ELP4: variants seen among roughly 807,000 people sequenced by gnomAD.
The protein encoded by ELP4 is elongator acetyltransferase complex subunit 4.
A neutral mutation model predicts 48.9 loss-of-function variants in ELP4; 51 were observed. That is an observed-to-expected ratio of 1.04 (90% CI 0.83 to 1.32). The LOEUF (loss-of-function observed/expected upper bound fraction) is 1.32, where lower values mean the gene tolerates loss of function less well. Among genes scored for constraint, ELP4 ranks in the 40% most tolerant of loss-of-function variants. ELP4 has a pLI of 0.00. For missense variants in ELP4, 519 were observed against 514.6 expected, an observed-to-expected ratio of 1.01 and a Z score of -0.08; for synonymous variants, 210 against 189.2, an observed-to-expected ratio of 1.11 and a Z score of -0.90.
intron 5 of ELP4, among the ~76,000 whole-genome samples, chr11:31,607,744 A>G (rs1957901692): frequency 6.6e-6 from 1 of 152,196 alleles, no homozygotes; most frequent in Non-Finnish European, 1.5e-5. Context: ...CTGAATTTCA[A>G]GATTTTATTT....
At chr11:31,531,788 A>C (rs1956400269) in intron 2 of ELP4, among the ~76,000 whole-genome samples, 1 of 152,184 alleles carries the variant, frequency 6.6e-6, no homozygotes, top group African/African-American at 2.4e-5. Flanking sequence ...GCTCTTTAGA[A>C]AAATATACTC....
intron 3 of ELP4, among the ~76,000 whole-genome samples, chr11:31,579,217 A>T (rs1163261929): frequency 3.9e-5 from 6 of 152,228 alleles, no homozygotes; most frequent in Non-Finnish European, 8.8e-5. Flanking sequence ...GAGAAATGCA[A>T]ATCAAAACCA....
intron 9 of ELP4, among the ~76,000 whole-genome samples, chr11:31,743,199 A>C (rs551286637): frequency 3.3e-5 from 5 of 152,250 alleles, no homozygotes; most frequent in Admixed American, 3.3e-4. Context: ...AGAGCTAACT[A>C]TCCCAAATAT....
chr11:31,738,912 A>G (rs1023158815), intron 9 of ELP4, among the ~76,000 whole-genome samples: 1 of 152,190 alleles, frequency 6.6e-6, no homozygotes, highest in African/African-American at 2.4e-5. Context: ...GTAGCCAGAG[A>G]CTGAAAGGAG....
intron 9 of ELP4, chr11:31,652,263 C>T (rs553701790): frequency 3.3e-5 from 5 of 151,400 alleles, no homozygotes; most frequent in Non-Finnish European, 7.4e-5. Flanking sequence ...TTCTAAATAA[C>T]TTATTTACTT....
intron 3 of ELP4, among the ~76,000 whole-genome samples, chr11:31,586,644 G>GT (rs541383884): frequency 0.01 from 1,523 of 145,786 alleles, 10 homozygotes; most frequent in Non-Finnish European, 0.013. Context: ...ATGTTTTTTG[G>GT]TTTTTTTTTT....
chr11:31,654,906 G>T (rs1945397010), intron 9 of ELP4: 1 of 151,794 alleles, frequency 6.6e-6, no homozygotes, highest in Admixed American at 6.6e-5. Flanking sequence ...TCTGGCTTGG[G>T]AGCCTTCTTA....
chr11:31,745,620 G>T (rs2134229036), intron 9 of ELP4, among the ~76,000 whole-genome samples: 1 of 152,280 alleles, frequency 6.6e-6, no homozygotes, highest in Admixed American at 6.5e-5. Context: ...TGACAAATCT[G>T]ACAAAAACAA....
At chr11:31,578,258 A>T (rs1957320927) in intron 3 of ELP4, among the ~76,000 whole-genome samples, 1 of 152,228 alleles carries the variant, frequency 6.6e-6, no homozygotes, top group African/African-American at 2.4e-5. Flanking sequence ...CTCTTCAAGG[A>T]GAACTACAAA....
intron 9 of ELP4, among the ~76,000 whole-genome samples, chr11:31,666,004 C>CTTTTTTTTTTTT (rs35902758): frequency 1.2e-5 from 1 of 85,344 alleles, no homozygotes; most frequent in Admixed American, 1.5e-4. Context: ...GTTTCAAATT[C>CTTTTTTTTTTTT]TTTTTTTTTT....
At chr11:31,510,895 C>G (rs934642934) in intron 1 of ELP4, 1 of 152,314 alleles carries the variant, frequency 6.6e-6, no homozygotes, top group Non-Finnish European at 1.5e-5. Context: ...TCATTAAAAC[C>G]CCGTCTGTGT....
rs1183210985 is a variant in ELP4 at position 31,594,904 on chromosome 11, A to G, written c.513+3A>G. On this transcript the variant is annotated splice_donor_region_variant and intron_variant, in intron 4 of 9. Transcript: ENST00000640961. ...ACCAGTTATTACCCAAGATGGAGGCAAGTAAACATACAAATTCTTTCCAAA... is the reference window on the plus strand; with the variant it reads ...ACCAGTTATTACCCAAGATGGAGGCGAGTAAACATACAAATTCTTTCCAAA... 6 of 1,550,504 alleles carry G rather than the reference A, an allele frequency of 3.9e-6. No individual in the cohort carries two copies. The highest frequency in any genetic ancestry group is 5.2e-6 in the Non-Finnish European group (6 of 1,158,936).
chr11:31,708,123 A>G (rs1182741696), intron 9 of ELP4, among the ~76,000 whole-genome samples: 3 of 152,170 alleles, frequency 2.0e-5, no homozygotes, highest in Non-Finnish European at 4.4e-5. Flanking sequence ...GGCCTTTGCC[A>G]TTCAGTCTTC....
chr11:31,630,580 C>T (rs116007915), intron 6 of ELP4, among the ~76,000 whole-genome samples: 1,707 of 152,152 alleles, frequency 0.011, 35 homozygotes, highest in African/African-American at 0.038. Flanking sequence ...CTGCCCTCCT[C>T]AGCCTCCCAG....
At chr11:31,618,261 G>A (rs553012518) in intron 5 of ELP4, among the ~76,000 whole-genome samples, 14 of 152,182 alleles carry the variant, frequency 9.2e-5, no homozygotes, top group African/African-American at 3.1e-4. Flanking sequence ...ACACAATACC[G>A]TAGACTAAGT....
At chr11:31,657,362 A>G (rs1017312357) in intron 9 of ELP4, among the ~76,000 whole-genome samples, 1 of 151,988 alleles carries the variant, frequency 6.6e-6, no homozygotes, top group African/African-American at 2.4e-5. Context: ...ACCCTCATGT[A>G]CTGTTCGAAT....
chr11:31,731,533 A>G (rs1046773608), intron 9 of ELP4, among the ~76,000 whole-genome samples: 5 of 149,846 alleles, frequency 3.3e-5, no homozygotes, highest in African/African-American at 1.0e-4. Flanking sequence ...AAGAATGAAG[A>G]AAACCTAGGG....
Position 31,627,155 on chromosome 11 carries a change from C to T in ELP4, c.699C>T (p.Asn233=). 6.3e-7 allele frequency: 1 copy of T among 1,597,342 alleles called. No homozygotes were observed. The highest frequency in any genetic ancestry group is 8.5e-7 in the Non-Finnish European group (1 of 1,171,830). Residue 233 remains asparagine, a synonymous_variant, in exon 6 of 10, where the codon AAC becomes AAT. Coordinates refer to ENST00000640961, the MANE Select transcript of ELP4 (RefSeq NM_019040.5). The part of the protein sequence containing the change: ...GYTKLLQFIQ[N]IIYEEGFDGS... ...CAAAGCTGCTTCAGTTTATCCAGAA[C>T]ATCATTTATGAGGAAGGATTTGATG...
At position 31,789,470 on chromosome 11, in the gene ELP4, C is replaced by T; in HGVS notation, c.*5946C>T. ...ATTATATGCAAAGGAATGATACAAA[C>T]TTGGAACATCAGTCCATAAACTATG... On this transcript the variant is annotated 3_prime_UTR_variant, in exon 10 of 10. Coordinates refer to ENST00000640961, the MANE Select transcript of ELP4 (RefSeq NM_019040.5). The T allele has an allele frequency of 4.1e-6, 2 of 489,470 alleles. No homozygotes were observed. The highest frequency in any genetic ancestry group is 7.1e-6 in the Non-Finnish European group (2 of 280,246). The allele number at this position is 489,470 out of a possible 1,614,324, so 30.3% of individuals were successfully genotyped here. A position where few individuals can be genotyped will look rare whatever the true frequency, so the allele number is the denominator to read the frequency against.
Sources: gnomAD v4.1 joint callset for allele counts (sites outside exome capture counted in the v4.1 genomes callset) on GRCh38, gnomAD v4.1.1 for gene constraint, MANE v1.5 for transcripts, NCBI Gene and HGNC (gene_info 2026-07-23, HGNC 2026-07-21) for gene names.